Variants in SYT1 observed in about 807,000 individuals in gnomAD.
The protein encoded by SYT1 is synaptotagmin-1.
Under a neutral mutation model 44.8 loss-of-function variants are expected in SYT1, and 8 were observed. The ratio of observed to expected loss-of-function variants is 0.18; its 90% CI spans 0.10 to 0.32. The LOEUF (loss-of-function observed/expected upper bound fraction) is 0.32, where lower values mean the gene tolerates loss of function less well. Among genes scored for constraint, SYT1 ranks in the 10% least tolerant of loss-of-function variants. SYT1 has a pLI of 1.00. For missense variants in SYT1, 286 were observed against 509.3 expected (o/e 0.56, Z 4.22); for synonymous variants, 154 against 188.8 (o/e 0.82, Z 1.51).
chr12:79,039,691 A>T (rs1873395484), intron 2 of SYT1, among the ~76,000 whole-genome samples: 1 of 150,664 alleles, frequency 6.6e-6, no homozygotes, highest in Admixed American at 6.6e-5. Flanking sequence ...TTACATATGT[A>T]TACATGTGCC....
At chr12:79,042,714 T>A (rs1188718190) in intron 2 of SYT1, among the ~76,000 whole-genome samples, 3 of 147,480 alleles carry the variant, frequency 2.0e-5, no homozygotes, top group Non-Finnish European at 4.5e-5. Context: ...TTAATTGTGA[T>A]GTTAGGGTGT....
At chr12:79,270,132 G>A (rs1367828284) in intron 4 of SYT1, among the ~76,000 whole-genome samples, 1 of 152,030 alleles carries the variant, frequency 6.6e-6, no homozygotes, top group East Asian at 1.9e-4. Context: ...TTCATAAACA[G>A]CCCCAAAAGC....
intron 3 of SYT1, among the ~76,000 whole-genome samples, chr12:79,197,379 G>A (rs951577661): frequency 1.4e-4 from 21 of 152,122 alleles, no homozygotes; most frequent in African/African-American, 5.1e-4. Flanking sequence ...AAAATTCAGG[G>A]TGGGGAGGAA....
intron 9 of SYT1, among the ~76,000 whole-genome samples, chr12:79,399,292 T>TTTG (rs1452772193): frequency 6.8e-6 from 1 of 147,268 alleles, no homozygotes; most frequent in Admixed American, 6.7e-5. Flanking sequence ...AATTTGAATT[T>TTTG]TTTTTTTTTT....
At chr12:79,108,023 GAACTT>G (rs1297032114) in intron 3 of SYT1, among the ~76,000 whole-genome samples, 4 of 151,802 alleles carry the variant, frequency 2.6e-5, no homozygotes, top group African/African-American at 4.8e-5. Context: ...ATATTGTTAA[GAACTT>G]AACATAATCA....
intron 3 of SYT1, among the ~76,000 whole-genome samples, chr12:79,168,954 T>A (rs775689012): frequency 6.6e-6 from 1 of 152,018 alleles, no homozygotes; most frequent in Non-Finnish European, 1.5e-5. Context: ...TCTGGAACAC[T>A]TGAGCAGCAA....
At chr12:79,276,380 C>A (rs1565886753) in intron 4 of SYT1, among the ~76,000 whole-genome samples, 1 of 151,090 alleles carries the variant, frequency 6.6e-6, no homozygotes. Flanking sequence ...AAAAACAAAA[C>A]AAAAAAAACA....
At chr12:79,076,350 C>A (rs1306227575) in intron 3 of SYT1, among the ~76,000 whole-genome samples, 1 of 152,064 alleles carries the variant, frequency 6.6e-6, no homozygotes, top group Non-Finnish European at 1.5e-5. Flanking sequence ...CTGTTGTTTC[C>A]TCAAATGCCA....
chr12:79,308,612 A>AAGAAAGAAAGAAAGAAAGAAAG (rs1462021152), intron 8 of SYT1, among the ~76,000 whole-genome samples: 94 of 134,302 alleles, frequency 7.0e-4, no homozygotes, highest in African/African-American at 2.6e-3. Flanking sequence ...GAAAGAAAGA[A>AAGAAAGAAAGAAAGAAAGAAAG]AAAGAAAGAA....
chr12:79,323,383 A>T (rs1881458784), intron 8 of SYT1, among the ~76,000 whole-genome samples: 1 of 152,206 alleles, frequency 6.6e-6, no homozygotes, highest in South Asian at 2.1e-4. Flanking sequence ...GCAAGTACCC[A>T]CAGGCACAAA....
rs1225687396 is a variant in SYT1 at position 79,449,294 on chromosome 12, CT to C, written c.*171del. 1.3e-5 allele frequency: 9 copies of C among 686,278 alleles called. No homozygotes were observed. The highest frequency in any genetic ancestry group is 2.2e-5 in the Non-Finnish European group (9 of 415,848). The allele number at this position is 686,278 out of a possible 1,614,324, so 42.5% of individuals were successfully genotyped here. A position where few individuals can be genotyped will look rare whatever the true frequency, so the allele number is the denominator to read the frequency against. ...GCACAAATTTAAATGTAGAGAGCCC[CT>C]AAGTCCTTCATCATACCACTGCCCT... On this transcript the variant is annotated 3_prime_UTR_variant, in exon 11 of 11. Coordinates refer to ENST00000261205, the MANE Select transcript of SYT1 (RefSeq NM_005639.3).
At chr12:78,987,964 G>A (rs973207811) in intron 2 of SYT1, among the ~76,000 whole-genome samples, 2 of 152,058 alleles carry the variant, frequency 1.3e-5, no homozygotes, top group Non-Finnish European at 2.9e-5. Flanking sequence ...ATCCTGTCAG[G>A]TGAAAAGGTA....
chr12:79,412,556 G>A (rs1423392381), intron 9 of SYT1, among the ~76,000 whole-genome samples: 1 of 152,056 alleles, frequency 6.6e-6, no homozygotes, highest in East Asian at 1.9e-4. Flanking sequence ...TGACATTCCT[G>A]GGTGGGGGAC....
intron 9 of SYT1, among the ~76,000 whole-genome samples, chr12:79,373,704 T>C (rs1883882694): frequency 6.6e-6 from 1 of 152,204 alleles, no homozygotes; most frequent in South Asian, 2.1e-4. Context: ...CTGAAGTTTT[T>C]TATTTTTTTT....
At chr12:78,981,636 G>A (rs1237274535) in intron 2 of SYT1, among the ~76,000 whole-genome samples, 1 of 152,064 alleles carries the variant, frequency 6.6e-6, no homozygotes, top group African/African-American at 2.4e-5. Context: ...TCTTTATTGA[G>A]TTCCACTTTC....
At chr12:78,968,569 CAT>C (rs1299257071) in intron 1 of SYT1, among the ~76,000 whole-genome samples, 1 of 152,126 alleles carries the variant, frequency 6.6e-6, no homozygotes, top group East Asian at 1.9e-4. Context: ...AGGAGTAACT[CAT>C]ATCTCTTAAT....
intron 4 of SYT1, among the ~76,000 whole-genome samples, chr12:79,226,761 G>A (rs59258871): frequency 0.01 from 1,540 of 152,174 alleles, 29 homozygotes; most frequent in African/African-American, 0.035. Context: ...TTTATTAAAA[G>A]TGTGTAATAG....
At chr12:79,438,001 G>A (rs565329937) in intron 9 of SYT1, among the ~76,000 whole-genome samples, 7 of 152,230 alleles carry the variant, frequency 4.6e-5, no homozygotes, top group South Asian at 2.1e-4. Flanking sequence ...GGAGAGTTTC[G>A]CAGGAAGGGT....
chr12:79,415,358 G>C (rs1473960173), intron 9 of SYT1, among the ~76,000 whole-genome samples: 2 of 152,096 alleles, frequency 1.3e-5, no homozygotes, highest in East Asian at 3.8e-4. Context: ...GCACCATAAT[G>C]CTGGTATAAA....
Sources: allele counts gnomAD v4.1 joint callset (sites outside exome capture counted in the v4.1 genomes callset), GRCh38; gene constraint gnomAD v4.1.1; transcripts MANE v1.5; gene names NCBI Gene and HGNC (gene_info 2026-07-23, HGNC 2026-07-21).